The following ACER1 variants were observed in gnomAD, a reference collection of about 807,000 sequenced individuals.
The protein encoded by ACER1 is CTB-180A7.3.
Under a neutral mutation model 24.9 loss-of-function variants are expected in ACER1, and 28 were observed. That is an observed-to-expected ratio of 1.13 (90% CI 0.83 to 1.54). ACER1 has a LOEUF of 1.54. Among genes scored for constraint, ACER1 ranks in the 40% most tolerant of loss-of-function variants. The probability of loss-of-function intolerance (pLI) is 0.00; values close to 1 mark genes in which losing one functional copy is unlikely to be tolerated. For synonymous variants in ACER1, 132 were observed against 131.4 expected, an observed-to-expected ratio of 1.00 and a Z score of -0.03; for missense variants, 352 against 349.3, an observed-to-expected ratio of 1.01 and a Z score of -0.06.
chr19:6,322,901 G>A (rs1466079606), intron 1 of ACER1, among the ~76,000 whole-genome samples: 12 of 151,888 alleles, frequency 7.9e-5, no homozygotes, highest in Admixed American at 3.9e-4. Context: ...ACCTGAGGTC[G>A]GGAGTTCAAG....
At chr19:6,329,964 G>A (rs142441848) in intron 1 of ACER1, among the ~76,000 whole-genome samples, 1,421 of 141,300 alleles carry the variant, frequency 0.01, 8 homozygotes, top group East Asian at 0.021. Flanking sequence ...TCCACCTACC[G>A]GGTTCACATA....
chr19:6,316,998 G>A (rs79878793), intron 1 of ACER1, among the ~76,000 whole-genome samples: 14,983 of 129,046 alleles, frequency 0.12, 1,133 homozygotes, highest in East Asian at 0.24. Context: ...TTCTGAGATG[G>A]AGTCTCACTC....
rs2091555009 is a variant in ACER1 at position 6,306,878 on chromosome 19, C to T, written c.631G>A (p.Val211Met). Reference sequence around the variant, plus strand: ...TAAGGGAAGGTGATGCTGATGAGCACATGCCTGTGGAGTGCAGGGCGAAGG... The same window carrying T: ...TAAGGGAAGGTGATGCTGATGAGCATATGCCTGTGGAGTGCAGGGCGAAGG... The part of the protein sequence containing the change: ...HFFYLHSIWH[V>M]LISITFPYGM... Residue 211 changes from valine (V) to methionine (M), a missense_variant, in exon 6 of 6, where the codon GTG becomes ATG. By Grantham distance (21) the Val-to-Met change is conservative. Transcript: ENST00000301452. 6.2e-7 allele frequency: 1 copy of T among 1,612,828 alleles called. No homozygotes were observed. The highest frequency in any genetic ancestry group is 1.3e-5 in the African/African-American group (1 of 74,940).
chr19:6,347,109 A>AAAAAAAAAAAAATATATATAT, the ACER1 span, among the ~76,000 whole-genome samples: 2 of 113,822 alleles, frequency 1.8e-5, no homozygotes, highest in African/African-American at 1.0e-4. Flanking sequence ...AAAAAAAAAA[A>AAAAAAAAAAAAATATATATAT]ATATATATAT....
chr19:6,321,995 AAAG>A (rs1437768935), intron 1 of ACER1, among the ~76,000 whole-genome samples: 1 of 151,838 alleles, frequency 6.6e-6, no homozygotes, highest in Non-Finnish European at 1.5e-5. Context: ...CTTGTTGAAT[AAAG>A]AAGAAATTGT....
At position 6,309,732 on chromosome 19, in the gene ACER1, C is replaced by T. The variant is rs761949285; in HGVS notation, c.453G>A (p.Leu151=). The T allele has an allele frequency of 2.2e-5, 35 of 1,613,894 alleles. No individual in the cohort carries two copies. Among genetic ancestry groups the T allele is most frequent in the Non-Finnish European group, 3.0e-5 (35 of 1,179,984 alleles). ...CCTGGCACACGATGTAGAGAATGTGCAGGGCAATGCTGTTGAGGGCGTAGG... is the reference window on the plus strand; with the variant it reads ...CCTGGCACACGATGTAGAGAATGTGTAGGGCAATGCTGTTGAGGGCGTAGG... ...VNAYALNSIA[L]HILYIVCQEY... The change falls in exon 4 of 6, where the codon CTG becomes CTA. Residue 151 remains leucine, a synonymous_variant. Transcript: ENST00000301452.
chr19:6,325,527 G>A (rs2091656811), intron 1 of ACER1, among the ~76,000 whole-genome samples: 1 of 152,114 alleles, frequency 6.6e-6, no homozygotes, highest in Non-Finnish European at 1.5e-5. Flanking sequence ...GGTGGCAGGT[G>A]CTATAATCCC....
At chr19:6,354,813 C>A in the ACER1 span, among the ~76,000 whole-genome samples, 7 of 146,428 alleles carry the variant, frequency 4.8e-5, no homozygotes, top group East Asian at 1.4e-3. Context: ...CCTCTCCCCC[C>A]TCTCCCTTTC....
At chr19:6,341,150 G>A in the ACER1 span, among the ~76,000 whole-genome samples, 1 of 150,672 alleles carries the variant, frequency 6.6e-6, no homozygotes, top group Admixed American at 6.6e-5. Flanking sequence ...GCCCAGGCTG[G>A]AGTGCACTGG....
At chr19:6,347,942 C>A in the ACER1 span, among the ~76,000 whole-genome samples, 2 of 151,556 alleles carry the variant, frequency 1.3e-5, no homozygotes, top group Admixed American at 6.6e-5. Context: ...GTAATCCCAG[C>A]ACGTTGGGAG....
chr19:6,347,381 CT>C, the ACER1 span, among the ~76,000 whole-genome samples: 29,678 of 151,154 alleles, frequency 0.2, 4,054 homozygotes, highest in East Asian at 0.39. Flanking sequence ...CCACACTCAG[CT>C]AATGTTTCTG....
chr19:6,336,805 T>G (rs10411842), upstream of ACER1, among the ~76,000 whole-genome samples: 6,800 of 116,440 alleles, frequency 0.058, 267 homozygotes, highest in African/African-American at 0.13. Flanking sequence ...GGGCGACAGA[T>G]CGAGACCCCG....
At chr19:6,344,638 C>T in the ACER1 span, among the ~76,000 whole-genome samples, 13 of 151,662 alleles carry the variant, frequency 8.6e-5, no homozygotes, top group South Asian at 2.3e-3. Flanking sequence ...TCAAGTGATC[C>T]GCCTGCCTCA....
upstream of ACER1, chr19:6,333,687 G>A (rs1216030596): frequency 3.0e-6 from 2 of 662,434 alleles, no homozygotes; most frequent in Non-Finnish European, 2.5e-6. Flanking sequence ...AAACCTGCTG[G>A]GCCGCTCCCC....
chr19:6,325,720 C>A (rs1016506120), intron 1 of ACER1, among the ~76,000 whole-genome samples: 1 of 151,944 alleles, frequency 6.6e-6, no homozygotes, highest in Non-Finnish European at 1.5e-5. Flanking sequence ...TTGAGCTGGG[C>A]GTGGTGGCTC....
intron 4 of ACER1, among the ~76,000 whole-genome samples, chr19:6,309,155 A>C (rs918556523): frequency 2.0e-5 from 3 of 151,958 alleles, no homozygotes; most frequent in Non-Finnish European, 4.4e-5. Context: ...CTGAGATTAC[A>C]CCACTGCACT....
At chr19:6,334,858 T>C (rs10423163), upstream of ACER1, among the ~76,000 whole-genome samples, 3,064 of 150,972 alleles carry the variant, frequency 0.02, 107 homozygotes, top group African/African-American at 0.07. Context: ...TTTTTTGAGA[T>C]GGAGTCTTGC....
the ACER1 span, among the ~76,000 whole-genome samples, chr19:6,352,401 A>G: frequency 6.6e-6 from 1 of 152,162 alleles, no homozygotes; most frequent in Non-Finnish European, 1.5e-5. Flanking sequence ...AGGGAGCCCA[A>G]ACAGCCATGT....
At chr19:6,340,462 C>T in the ACER1 span, among the ~76,000 whole-genome samples, 1 of 152,106 alleles carries the variant, frequency 6.6e-6, no homozygotes, top group African/African-American at 2.4e-5. Flanking sequence ...CCCCCAAATC[C>T]GCTTCCCAGG....
Sources: allele counts gnomAD v4.1 joint callset (sites outside exome capture counted in the v4.1 genomes callset), GRCh38; gene constraint gnomAD v4.1.1; transcripts MANE v1.5; gene names NCBI Gene and HGNC (gene_info 2026-07-23, HGNC 2026-07-21).